LAMC1: variants seen among roughly 807,000 people sequenced by gnomAD.
LAMC1 encodes laminin subunit gamma 1.
Under a neutral mutation model 173.6 loss-of-function variants are expected in LAMC1, and 38 were observed. That is an observed-to-expected ratio of 0.22 (90% confidence interval 0.17 to 0.29). The LOEUF is 0.29. Among genes scored for constraint, LAMC1 ranks in the 10% least tolerant of loss-of-function variants. The pLI, the probability that LAMC1 is intolerant of heterozygous loss-of-function variation, is 1.00. For synonymous variants in LAMC1, 746 were observed against 749.1 expected (o/e 1.00, Z 0.07); for missense variants, 1,824 against 2,051.8 (o/e 0.89, Z 2.14).
Position 183,127,409 on chromosome 1 carries a change from G to A in LAMC1, c.3123+5G>A, listed in dbSNP as rs1052187757. The A allele has an allele frequency of 4.3e-6, 7 of 1,613,592 alleles. No individual in the cohort carries two copies. The African/African-American group carries it at 6.7e-5, about 15-fold the overall frequency. On this transcript the variant is annotated splice_donor_5th_base_variant and intron_variant, in intron 17 of 27. Coordinates refer to ENST00000258341, the MANE Select transcript of LAMC1 (RefSeq NM_002293.4). ...TACCGGCTGGTAAAGGATAAGGTAA[G>A]CTGTCAATAGTGCATTCATTCATTC...
At chr1:183,115,095 G>A (rs1029509499) in intron 5 of LAMC1, among the ~76,000 whole-genome samples, 1 of 152,164 alleles carries the variant, frequency 6.6e-6, no homozygotes, top group African/African-American at 2.4e-5. Flanking sequence ...GCATGTTTGC[G>A]TGTGTACAGA....
At position 183,136,421 on chromosome 1, in the gene LAMC1, G is replaced by A. The variant is rs371037905; in HGVS notation, c.4150G>A (p.Ala1384Thr). The A allele has an allele frequency of 3.3e-5, 54 of 1,614,124 alleles. No individual in the cohort carries two copies. The highest frequency in any genetic ancestry group is 1.0e-4 in the Admixed American group (6 of 60,014). Residue 1384 changes from alanine (A) to threonine (T), a missense_variant, in exon 25 of 28, where the codon GCA becomes ACA. Coordinates refer to ENST00000258341, the MANE Select transcript of LAMC1 (RefSeq NM_002293.4). Reference protein sequence around the residue: ...DRRVNDNKTAAEEALRKIPAI... With the variant: ...DRRVNDNKTATEEALRKIPAI... ...GCGTGTGAACGATAACAAGACGGCC[G>A]CAGAGGAGGCACTAAGGAAGATTCC...
At chr1:183,087,802 A>C (rs1048849372) in intron 1 of LAMC1, among the ~76,000 whole-genome samples, 40 of 147,478 alleles carry the variant, frequency 2.7e-4, no homozygotes, top group African/African-American at 8.0e-4. Flanking sequence ...GCATTTATTT[A>C]TTTTCTTTTC....
chr1:183,089,825 TAG>T, intron 1 of LAMC1, among the ~76,000 whole-genome samples: 1 of 152,332 alleles, frequency 6.6e-6, no homozygotes, highest in Non-Finnish European at 1.5e-5. Flanking sequence ...CCCATTGTTT[TAG>T]ACTAGCCTCT....
At chr1:183,081,413 C>T (rs990533548) in intron 1 of LAMC1, among the ~76,000 whole-genome samples, 7 of 151,504 alleles carry the variant, frequency 4.6e-5, no homozygotes, top group African/African-American at 1.7e-4. Flanking sequence ...GCTTGGCCAA[C>T]GTGGTGAAAC....
At chr1:183,106,642 A>C (rs978782059) in intron 2 of LAMC1, among the ~76,000 whole-genome samples, 1 of 152,176 alleles carries the variant, frequency 6.6e-6, no homozygotes, top group African/African-American at 2.4e-5. Context: ...TAAAATGGAA[A>C]TGCTGTCTTT....
At chr1:183,126,000 C>T in intron 15 of LAMC1, 120 bp from the exon 16 acceptor site, 1 of 950,000 alleles carries the variant, frequency 1.1e-6, no homozygotes. Context: ...CTTAGTAACC[C>T]TTACCATTCA....
intron 4 of LAMC1, among the ~76,000 whole-genome samples, chr1:183,114,286 G>A (rs1181625206): frequency 1.3e-5 from 2 of 152,164 alleles, no homozygotes; most frequent in Admixed American, 1.3e-4. Context: ...GGCCAGGCTG[G>A]TCTCAAACTC....
rs1653607296 is a variant in LAMC1 at position 183,023,867 on chromosome 1, A to C, written c.151A>C (p.Met51Leu). The C allele has an allele frequency of 6.2e-7, 1 of 1,611,852 alleles. No homozygotes were observed. ...TDEGGRPQRC[M>L]PEFVNAAFNV... ...CGAGGGCGGGCGGCCGCAGCGCTGCATGCCCGAGTTCGTCAACGCCGCCTT... is the reference window on the plus strand; with the variant it reads ...CGAGGGCGGGCGGCCGCAGCGCTGCCTGCCCGAGTTCGTCAACGCCGCCTT... Residue 51 changes from methionine (M) to leucine (L), a missense_variant, in exon 1 of 28, where the codon ATG becomes CTG. Transcript: ENST00000258341.
At chr1:183,050,279 T>C (rs1247900004) in intron 1 of LAMC1, among the ~76,000 whole-genome samples, 1 of 148,012 alleles carries the variant, frequency 6.8e-6, no homozygotes, top group Non-Finnish European at 1.5e-5. Flanking sequence ...TTTTCTCAGA[T>C]TCTTTTTTTT....
chr1:183,059,379 G>C (rs916313450), intron 1 of LAMC1, among the ~76,000 whole-genome samples: 3 of 152,136 alleles, frequency 2.0e-5, no homozygotes, highest in African/African-American at 7.2e-5. Flanking sequence ...CAGCATTTGT[G>C]GTTTGTATTA....
At chr1:183,106,430 G>A (rs1387163543) in intron 2 of LAMC1, among the ~76,000 whole-genome samples, 1 of 152,160 alleles carries the variant, frequency 6.6e-6, no homozygotes. Flanking sequence ...ATACTTGAAG[G>A]CTTTGTGGAG....
At chr1:183,052,818 G>T (rs553492248) in intron 1 of LAMC1, among the ~76,000 whole-genome samples, 2 of 152,160 alleles carry the variant, frequency 1.3e-5, no homozygotes, top group Non-Finnish European at 2.9e-5. Context: ...ATGCTTAAGA[G>T]TGTTCATCAA....
At chr1:183,029,887 C>G (rs1653804898) in intron 1 of LAMC1, among the ~76,000 whole-genome samples, 1 of 152,110 alleles carries the variant, frequency 6.6e-6, no homozygotes, top group African/African-American at 2.4e-5. Context: ...TGTAGTGATT[C>G]ATGGGACATT....
At chr1:183,053,287 A>G (rs565373004) in intron 1 of LAMC1, among the ~76,000 whole-genome samples, 2 of 152,338 alleles carry the variant, frequency 1.3e-5, no homozygotes, top group Admixed American at 6.5e-5. Flanking sequence ...ATTGCCACCT[A>G]GTCAGTACAT....
chr1:183,119,148 C>T (rs889905462), intron 11 of LAMC1, among the ~76,000 whole-genome samples: 28 of 152,100 alleles, frequency 1.8e-4, no homozygotes, highest in Non-Finnish European at 3.7e-4. Context: ...CCCCCTGCCT[C>T]GGCCTCCCAA....
At chr1:183,119,341 A>T (rs1413288150) in intron 11 of LAMC1, among the ~76,000 whole-genome samples, 1 of 152,206 alleles carries the variant, frequency 6.6e-6, no homozygotes, top group African/African-American at 2.4e-5. Context: ...AAATGCCTGC[A>T]TGAATATCCA....
At chr1:183,111,306 C>G (rs1401355714) in intron 4 of LAMC1, among the ~76,000 whole-genome samples, 1 of 152,018 alleles carries the variant, frequency 6.6e-6, no homozygotes, top group Non-Finnish European at 1.5e-5. Context: ...AGGCTGGTCT[C>G]GAACTCCTGA....
At chr1:183,129,522 C>T (rs1656724195) in intron 18 of LAMC1, among the ~76,000 whole-genome samples, 1 of 151,906 alleles carries the variant, frequency 6.6e-6, no homozygotes, top group African/African-American at 2.4e-5. Context: ...TTTTTCCAAA[C>T]CTGTATTCAT....
Sources: gnomAD v4.1 joint callset for allele counts (sites outside exome capture counted in the v4.1 genomes callset) on GRCh38, gnomAD v4.1.1 for gene constraint, MANE v1.5 for transcripts, NCBI Gene and HGNC (gene_info 2026-07-23, HGNC 2026-07-21) for gene names.